Variants in BLTP1 observed in about 807,000 individuals in gnomAD.
BLTP1 encodes fragile site-associated protein.
At chr4:122,179,984 A>G in the BLTP1 span, 6 of 984,694 alleles carry the variant, frequency 6.1e-6, no homozygotes, top group Admixed American at 6.2e-5. Context: ...AAAGACAGGC[A>G]CTTCTTCCAA....
chr4:122,285,724 G>A, the BLTP1 span, among the ~76,000 whole-genome samples: 2 of 152,208 alleles, frequency 1.3e-5, no homozygotes, highest in African/African-American at 2.4e-5. Context: ...TGATGTTTGA[G>A]TGGAGAGAAT....
chr4:122,334,925 T>G, the BLTP1 span, among the ~76,000 whole-genome samples: 1 of 152,050 alleles, frequency 6.6e-6, no homozygotes, highest in African/African-American at 2.4e-5. Context: ...TATAACACAT[T>G]ACCCAGAATT....
At chr4:122,238,265 A>C in the BLTP1 span, 18 of 1,614,150 alleles carry the variant, frequency 1.1e-5, no homozygotes, top group East Asian at 4.0e-4. Context: ...GGCTGGTGAA[A>C]AGGAAAGTCC....
At chr4:122,181,284 T>C in the BLTP1 span, 1 of 954,100 alleles carries the variant, frequency 1.0e-6, no homozygotes, top group African/African-American at 1.8e-5. Flanking sequence ...CAGATCTAAA[T>C]GTGCTCCTGG....
the BLTP1 span, chr4:122,356,042 A>G: frequency 2.9e-6 from 4 of 1,359,860 alleles, no homozygotes; most frequent in Non-Finnish European, 4.1e-6. Flanking sequence ...AGGCACTTCA[A>G]ACTACTGCTG....
chr4:122,161,435 CTTTT>C, the BLTP1 span, among the ~76,000 whole-genome samples: 1 of 140,500 alleles, frequency 7.1e-6, no homozygotes, highest in Non-Finnish European at 1.6e-5. Context: ...CTTTTGTTTT[CTTTT>C]TTTTTTTTTG....
the BLTP1 span, chr4:122,200,721 G>A: frequency 3.1e-6 from 3 of 980,074 alleles, no homozygotes; most frequent in South Asian, 9.4e-5. Context: ...AGGGATGTCG[G>A]TTGTTACCCC....
chr4:122,261,380 C>A, the BLTP1 span: 1 of 984,922 alleles, frequency 1.0e-6, no homozygotes, highest in Non-Finnish European at 1.2e-6. Flanking sequence ...TTATTAAAGT[C>A]CTCTAAAAAT....
At chr4:122,154,987 G>A in the BLTP1 span, 15 of 896,512 alleles carry the variant, frequency 1.7e-5, no homozygotes, top group Non-Finnish European at 4.0e-6. Context: ...AGAGAATAAT[G>A]GAAGACATGA....
chr4:122,175,944 T>C, the BLTP1 span: 1 of 1,016,708 alleles, frequency 9.8e-7, no homozygotes, highest in Non-Finnish European at 1.6e-6. Flanking sequence ...GTGTTTAAAA[T>C]GTTCAATCAT....
At chr4:122,260,845 T>A in the BLTP1 span, among the ~76,000 whole-genome samples, 1 of 152,106 alleles carries the variant, frequency 6.6e-6, no homozygotes, top group Non-Finnish European at 1.5e-5. Context: ...AGAGGACTAA[T>A]AAACTAGCGT....
At chr4:122,266,103 G>A in the BLTP1 span, among the ~76,000 whole-genome samples, 1 of 152,196 alleles carries the variant, frequency 6.6e-6, no homozygotes, top group Non-Finnish European at 1.5e-5. Context: ...ATGTAGAAGG[G>A]GGAAAAGGAA....
chr4:122,361,823 A>G, the BLTP1 span, among the ~76,000 whole-genome samples: 2 of 152,312 alleles, frequency 1.3e-5, no homozygotes, highest in East Asian at 1.9e-4. Flanking sequence ...TTAGGTTGTC[A>G]AAGAGATTTA....
chr4:122,261,948 G>A, the BLTP1 span: 1 of 985,140 alleles, frequency 1.0e-6, no homozygotes, highest in Non-Finnish European at 1.2e-6. Flanking sequence ...GACATTTAAG[G>A]GCTTCACAGC....
At chr4:122,343,894 A>C in the BLTP1 span, 1 of 869,982 alleles carries the variant, frequency 1.1e-6, no homozygotes, top group Non-Finnish European at 1.4e-6. Flanking sequence ...TGAAATATTT[A>C]AATGTCTTAG....
chr4:122,315,448 C>A, the BLTP1 span: 2 of 1,613,692 alleles, frequency 1.2e-6, no homozygotes, highest in Non-Finnish European at 1.7e-6. Flanking sequence ...AATGCAACTT[C>A]TTTATTTAAA....
the BLTP1 span, chr4:122,189,134 A>G: frequency 1.1e-6 from 1 of 883,728 alleles, no homozygotes; most frequent in African/African-American, 1.8e-5. Flanking sequence ...CTTGCTATTA[A>G]TAATTTGTAT....
the BLTP1 span, among the ~76,000 whole-genome samples, chr4:122,183,910 C>T: frequency 4.0e-5 from 6 of 151,740 alleles, no homozygotes; most frequent in African/African-American, 1.5e-4. Flanking sequence ...TGTAAATATC[C>T]ACAAAGAGGT....
chr4:122,233,413 A>G, the BLTP1 span, among the ~76,000 whole-genome samples: 1 of 152,230 alleles, frequency 6.6e-6, no homozygotes, highest in South Asian at 2.1e-4. Flanking sequence ...AGAGTTAGTA[A>G]GTGGCATAGC....
Sources: allele counts gnomAD v4.1 joint callset (sites outside exome capture counted in the v4.1 genomes callset), GRCh38; gene constraint gnomAD v4.1.1; transcripts MANE v1.5; gene names NCBI Gene and HGNC (gene_info 2026-07-23, HGNC 2026-07-21).